The following RANBP2 variants were observed in gnomAD, a reference collection of about 807,000 sequenced individuals.
RANBP2 encodes the protein RAN binding protein 2.
A neutral mutation model predicts 303.6 loss-of-function variants in RANBP2; 57 were observed. That is an observed-to-expected ratio of 0.19 (90% CI 0.15 to 0.23). RANBP2 has a LOEUF of 0.23. RANBP2 is among the 10% of genes least tolerant of loss of function. The pLI is 1.00. For missense variants in RANBP2, 3,138 were observed against 3,780.8 expected, an observed-to-expected ratio of 0.83 and a Z score of 4.46; for synonymous variants, 1,167 against 1,301.5, an observed-to-expected ratio of 0.90 and a Z score of 2.23.
At chr2:109,185,905 C>T in the RANBP2 span, among the ~76,000 whole-genome samples, 2 of 152,214 alleles carry the variant, frequency 1.3e-5, no homozygotes, top group East Asian at 1.9e-4. Context: ...TGGATGCATC[C>T]TCCCCCAGCT....
At chr2:108,998,416 C>T in the RANBP2 span, among the ~76,000 whole-genome samples, 2 of 152,146 alleles carry the variant, frequency 1.3e-5, no homozygotes, top group Non-Finnish European at 2.9e-5. Context: ...TTCTTGTATT[C>T]GTGGAGTGGA....
the RANBP2 span, among the ~76,000 whole-genome samples, chr2:108,838,048 A>G: frequency 6.6e-6 from 1 of 152,110 alleles, no homozygotes; most frequent in South Asian, 2.1e-4. Flanking sequence ...CAGGGTGAAT[A>G]AATAGGATTG....
At chr2:109,196,322 C>A in the RANBP2 span, among the ~76,000 whole-genome samples, 1 of 152,218 alleles carries the variant, frequency 6.6e-6, no homozygotes, top group Non-Finnish European at 1.5e-5. Context: ...GCTCCCCTGG[C>A]CCCAAGGCCT....
the RANBP2 span, among the ~76,000 whole-genome samples, chr2:109,486,640 C>T: frequency 1.3e-4 from 20 of 152,150 alleles, no homozygotes; most frequent in Non-Finnish European, 2.2e-4. Flanking sequence ...AGAAACAAAA[C>T]GCAGGTGGTG....
intron 4 of RANBP2, among the ~76,000 whole-genome samples, chr2:108,732,511 C>G (rs1313581037): frequency 4.6e-5 from 7 of 152,168 alleles, no homozygotes; most frequent in East Asian, 3.8e-4. Flanking sequence ...AAGCATTTTG[C>G]ATAAGGGATA....
chr2:109,233,207 G>A, the RANBP2 span, among the ~76,000 whole-genome samples: 2 of 152,112 alleles, frequency 1.3e-5, no homozygotes, highest in African/African-American at 2.4e-5. Context: ...TTGTCCTCTT[G>A]GTACCCAGGT....
the RANBP2 span, among the ~76,000 whole-genome samples, chr2:109,579,467 T>G: frequency 2.0e-5 from 3 of 150,884 alleles, no homozygotes; most frequent in Non-Finnish European, 4.4e-5. Context: ...CACTGCAAAC[T>G]CTGCCTCCTG....
chr2:109,426,395 T>C, the RANBP2 span, among the ~76,000 whole-genome samples: 2 of 152,234 alleles, frequency 1.3e-5, no homozygotes, highest in Admixed American at 1.3e-4. Flanking sequence ...CTTCCAATCC[T>C]CATGGATGAC....
chr2:108,803,627 C>T, the RANBP2 span, among the ~76,000 whole-genome samples: 1 of 152,074 alleles, frequency 6.6e-6, no homozygotes, highest in African/African-American at 2.4e-5. Flanking sequence ...TGTTCTACTT[C>T]TCCATGTCTG....
At chr2:109,229,826 CT>C in the RANBP2 span, among the ~76,000 whole-genome samples, 35,527 of 129,454 alleles carry the variant, frequency 0.27, 4,138 homozygotes, top group South Asian at 0.35. Flanking sequence ...CTTTTTCTTT[CT>C]TTTTTTTTTT....
the RANBP2 span, chr2:109,564,223 C>G: frequency 1.4e-6 from 1 of 706,640 alleles, no homozygotes; most frequent in Non-Finnish European, 2.0e-6. Flanking sequence ...TCAAGAAGCA[C>G]AATAATTAGT....
chr2:108,851,750 G>A, the RANBP2 span, among the ~76,000 whole-genome samples: 1 of 152,174 alleles, frequency 6.6e-6, no homozygotes, highest in Non-Finnish European at 1.5e-5. Context: ...AGTGAAAGGA[G>A]GGCAGGAGAA....
At chr2:109,582,310 G>A in the RANBP2 span, among the ~76,000 whole-genome samples, 1 of 151,948 alleles carries the variant, frequency 6.6e-6, no homozygotes, top group African/African-American at 2.4e-5. Context: ...CAGACTCAAC[G>A]CTATTGCTGT....
the RANBP2 span, among the ~76,000 whole-genome samples, chr2:108,942,810 A>G: frequency 1.3e-5 from 2 of 152,326 alleles, no homozygotes; most frequent in African/African-American, 2.4e-5. Context: ...GCGCTAAGAA[A>G]ACTCAACAGC....
At chr2:109,122,154 G>C in the RANBP2 span, among the ~76,000 whole-genome samples, 1 of 152,202 alleles carries the variant, frequency 6.6e-6, no homozygotes, top group Non-Finnish European at 1.5e-5. Context: ...CGCTTTTGTT[G>C]AAAGAAATTT....
At chr2:109,691,976 G>T in the RANBP2 span, among the ~76,000 whole-genome samples, 676 of 152,144 alleles carry the variant, frequency 4.4e-3, 1 homozygote, top group Non-Finnish European at 5.9e-3. Context: ...TAGAGACGAG[G>T]TTTCACCATC....
chr2:108,776,787 C>T (rs919402659), intron 24 of RANBP2, among the ~76,000 whole-genome samples: 1 of 152,150 alleles, frequency 6.6e-6, no homozygotes, highest in Admixed American at 6.5e-5. Context: ...TCCTAAAACC[C>T]TGCCTTTGAC....
At chr2:109,420,699 C>A in the RANBP2 span, among the ~76,000 whole-genome samples, 13,569 of 152,188 alleles carry the variant, frequency 0.089, 656 homozygotes, top group South Asian at 0.12. Flanking sequence ...CCCGCCTTGG[C>A]CTCCCTAAAT....
At chr2:109,432,423 C>T in the RANBP2 span, 1 of 1,559,472 alleles carries the variant, frequency 6.4e-7, no homozygotes, top group Non-Finnish European at 8.7e-7. Context: ...CCAAAGACAA[C>T]CTCCCCCCAG....
Sources: allele counts gnomAD v4.1 joint callset (sites outside exome capture counted in the v4.1 genomes callset), GRCh38; gene constraint gnomAD v4.1.1; transcripts MANE v1.5; gene names NCBI Gene and HGNC (gene_info 2026-07-23, HGNC 2026-07-21).